Variants in CECR2 observed in about 807,000 individuals in gnomAD.
CECR2 encodes CECR2 histone acetyl-lysine reader.
CECR2 carries 30 observed loss-of-function variants against 154.5 expected under a neutral mutation model. The observed-to-expected ratio is 0.19, with a 90% CI of 0.15 to 0.26. The LOEUF is 0.26. Among genes scored for constraint, CECR2 ranks in the 10% least tolerant of loss-of-function variants. CECR2 has a pLI of 1.00. For missense variants in CECR2, 1,743 were observed against 1,829.3 expected, an observed-to-expected ratio of 0.95 and a Z score of 0.86; for synonymous variants, 725 against 683.7, an observed-to-expected ratio of 1.06 and a Z score of -0.94.
intron 1 of CECR2, among the ~76,000 whole-genome samples, chr22:17,395,412 T>G (rs1175600676): frequency 1.3e-5 from 2 of 152,048 alleles, no homozygotes; most frequent in African/African-American, 4.8e-5. Context: ...TGGCACAATC[T>G]CAGCTCACTG....
At chr22:17,464,997 A>T (rs961497015) in intron 1 of CECR2, among the ~76,000 whole-genome samples, 15 of 140,926 alleles carry the variant, frequency 1.1e-4, no homozygotes, top group South Asian at 9.0e-4. Context: ...CAATATTTAA[A>T]TTTTTTTTTT....
intron 1 of CECR2, chr22:17,419,805 G>A: frequency 3.6e-6 from 1 of 279,778 alleles, no homozygotes; most frequent in South Asian, 7.4e-5. Context: ...AAAATTTGGT[G>A]CTCAGAATAT....
chr22:17,501,689 G>A (rs1040382511), intron 5 of CECR2, among the ~76,000 whole-genome samples: 5 of 152,184 alleles, frequency 3.3e-5, no homozygotes, highest in African/African-American at 1.2e-4. Context: ...CAAATGTCCT[G>A]TAATTACTTA....
rs983497757 is a variant in CECR2 at position 17,554,220 on chromosome 22, T to C, written c.*1380T>C. On this transcript the variant is annotated 3_prime_UTR_variant, in exon 19 of 19. Coordinates refer to ENST00000262608, the MANE Select transcript of CECR2 (RefSeq NM_001290047.2). The stretch of plus-strand genomic sequence containing the variant: ...GAAAGGTCACCAAAGTTAGGACCCA[T>C]GTTTTAAACTTTTGAATATTCCACA... The C allele has an allele frequency of 2.0e-5, 3 of 152,216 alleles. No individual in the cohort carries two copies. Among genetic ancestry groups the C allele is most frequent in the East Asian group, 1.9e-4 (1 of 5,194 alleles). 9.4% of individuals were successfully genotyped at this position (152,216 alleles called of 1,614,324 possible).
intron 16 of CECR2, among the ~76,000 whole-genome samples, chr22:17,545,556 GATT>G (rs2056600485): frequency 6.6e-6 from 1 of 151,620 alleles, no homozygotes; most frequent in Non-Finnish European, 1.5e-5. Flanking sequence ...TAAGATAATA[GATT>G]CCTGGCTGAG....
chr22:17,395,802 T>C (rs1483907233), intron 1 of CECR2, among the ~76,000 whole-genome samples: 1 of 152,196 alleles, frequency 6.6e-6, no homozygotes, highest in Non-Finnish European at 1.5e-5. Flanking sequence ...AAGTTCATCA[T>C]GGTTTTTATT....
chr22:17,529,028 C>T lies in CECR2; in HGVS notation c.1108+4757C>T, dbSNP rs561494897. ...GGAGGACCCCTTGAGCGCAGGAGAT[C>T]GAGGCTGCAGTGAGCGCTGATTTCC... is the stretch of plus-strand genomic sequence containing the variant. On this transcript the variant is annotated intron_variant, in intron 9 of 18. Coordinates refer to ENST00000262608, the MANE Select transcript of CECR2 (RefSeq NM_001290047.2). 6.3e-4 allele frequency among the ~76,000 whole-genome samples: 96 copies of T among 151,946 alleles called. 1 individual carries two copies. Among genetic ancestry groups the T allele is most frequent in the Non-Finnish European group, 1.3e-3 (88 of 67,944 alleles).
At chr22:17,505,972 G>A (rs2055837122) in intron 7 of CECR2, among the ~76,000 whole-genome samples, 1 of 150,602 alleles carries the variant, frequency 6.6e-6, no homozygotes, top group Non-Finnish European at 1.5e-5. Flanking sequence ...AACCTCCCAA[G>A]TAGCTGGGGA....
chr22:17,507,794 G>A (rs756843017), intron 7 of CECR2, among the ~76,000 whole-genome samples: 1 of 152,152 alleles, frequency 6.6e-6, no homozygotes, highest in African/African-American at 2.4e-5. Flanking sequence ...GAAATAGATA[G>A]TGCTTTTAAG....
intron 16 of CECR2, among the ~76,000 whole-genome samples, chr22:17,547,582 G>A (rs2056633626): frequency 6.6e-6 from 1 of 152,184 alleles, no homozygotes; most frequent in African/African-American, 2.4e-5. Flanking sequence ...TTCAAGACAT[G>A]CAGACAAAAT....
At chr22:17,405,785 T>C (rs1470908909) in intron 1 of CECR2, among the ~76,000 whole-genome samples, 2 of 152,180 alleles carry the variant, frequency 1.3e-5, no homozygotes, top group African/African-American at 4.8e-5. Context: ...ATTTTCTGCA[T>C]AGATGATCAT....
chr22:17,431,770 AT>A (rs538433402), intron 1 of CECR2, among the ~76,000 whole-genome samples: 54 of 67,826 alleles, frequency 8.0e-4, no homozygotes, highest in Non-Finnish European at 1.1e-3. Context: ...TATCCCTCGT[AT>A]TTTTTTTTTG....
intron 5 of CECR2, among the ~76,000 whole-genome samples, chr22:17,501,998 G>A (rs988666931): frequency 6.6e-6 from 1 of 152,130 alleles, no homozygotes; most frequent in Admixed American, 6.5e-5. Context: ...GCAGCCACAT[G>A]GTTTATTGGA....
In CECR2 at chr22:17,378,358, A is replaced by G. The variant is rs190620250; in HGVS notation, c.126+8449A>G. Among the ~76,000 whole-genome samples, 1,405 of 141,544 alleles carry G rather than the reference A, an allele frequency of 9.9e-3. 24 individuals are homozygous for G. Among genetic ancestry groups the G allele is most frequent in the African/African-American group, 0.035 (1,334 of 37,726 alleles). The allele number at this position is 141,544 out of a possible 152,430, so 92.9% of individuals were successfully genotyped here. On this transcript the variant is annotated intron_variant, in intron 1 of 18. Transcript: ENST00000262608. ...GTTGTCCAGGCTGGAGTGCAGTGGC[A>G]CGATCTCGGCTCACTGCAACCTCTG...
chr22:17,539,182 T>C (rs1479781679), intron 13 of CECR2, 63 bp downstream of exon 13: 2 of 1,572,124 alleles, frequency 1.3e-6, no homozygotes, highest in African/African-American at 2.7e-5. Flanking sequence ...TGCCTTCTCT[T>C]TTACAAATAC....
At chr22:17,419,708 C>CTGTTTACTCCTTCGTAGCGTGCTGT in intron 1 of CECR2, 2 of 302,672 alleles carry the variant, frequency 6.6e-6, no homozygotes, top group South Asian at 7.1e-5. Context: ...CGAGCTGGAG[C>CTGTTTACTCCTTCGTAGCGTGCTGT]TAGAGAGCTG....
chr22:17,368,720 G>A (rs1325129106), upstream of CECR2, among the ~76,000 whole-genome samples: 1 of 152,142 alleles, frequency 6.6e-6, no homozygotes, highest in Non-Finnish European at 1.5e-5. Context: ...TCTTTCAGCG[G>A]CCGGGCAGTA....
rs78759836 is a variant in CECR2 at position 17,434,241 on chromosome 22, G to A, written c.127-43347G>A. Among the ~76,000 whole-genome samples, 609 of 152,286 alleles carry A rather than the reference G, an allele frequency of 4.0e-3. 7 individuals carry two copies. Among genetic ancestry groups the A allele is most frequent in the African/African-American group, 0.014 (569 of 41,572 alleles). ...CTGTCAAGGTGAGTGGGAACACAGAGGAAAGGCCACTCACGTTAAGTCAGC... is the reference window on the plus strand; with the variant it reads ...CTGTCAAGGTGAGTGGGAACACAGAAGAAAGGCCACTCACGTTAAGTCAGC... On this transcript the variant is annotated intron_variant, in intron 1 of 18. Transcript: ENST00000262608.
chr22:17,415,336 C>T (rs1203277408), intron 1 of CECR2, among the ~76,000 whole-genome samples: 1 of 152,168 alleles, frequency 6.6e-6, no homozygotes, highest in Non-Finnish European at 1.5e-5. Context: ...CTCCCAGGCT[C>T]AAGCCATCCT....
Sources: allele counts gnomAD v4.1 joint callset (sites outside exome capture counted in the v4.1 genomes callset), GRCh38; gene constraint gnomAD v4.1.1; transcripts MANE v1.5; gene names NCBI Gene and HGNC (gene_info 2026-07-23, HGNC 2026-07-21).